SLC5A4: variants seen among roughly 807,000 people sequenced by gnomAD.
SLC5A4 encodes the protein probable glucose sensor protein SLC5A4.
SLC5A4 carries 55 observed loss-of-function variants against 70.3 expected under a neutral mutation model. That is an observed-to-expected ratio of 0.78 (90% CI 0.63 to 0.98). The LOEUF (loss-of-function observed/expected upper bound fraction) is 0.98, where lower values mean the gene tolerates loss of function less well. Ranked by LOEUF, SLC5A4 falls within the 50% of genes least tolerant of loss-of-function variation. SLC5A4 has a pLI of 0.00. For missense variants in SLC5A4, 735 were observed against 839.2 expected (o/e 0.88, Z 1.53); for synonymous variants, 268 against 305.7 (o/e 0.88, Z 1.29).
chr22:32,221,878 G>A (rs899502124), intron 13 of SLC5A4, among the ~76,000 whole-genome samples: 2 of 152,148 alleles, frequency 1.3e-5, no homozygotes, highest in Admixed American at 6.5e-5. Context: ...AGCCTCACGA[G>A]TAGCTGGGGT....
chr22:32,249,927 C>T (rs1023197706), intron 3 of SLC5A4, among the ~76,000 whole-genome samples: 1 of 152,048 alleles, frequency 6.6e-6, no homozygotes, highest in Admixed American at 6.6e-5. Flanking sequence ...TTTAGGTCAT[C>T]AGCTATTCTT....
chr22:32,316,108 G>GAAAA, the SLC5A4 span, among the ~76,000 whole-genome samples: 10 of 132,028 alleles, frequency 7.6e-5, no homozygotes, highest in African/African-American at 1.7e-4. Flanking sequence ...GACTCTGTCT[G>GAAAA]AAAAAAAAAA....
At chr22:32,338,463 G>C in the SLC5A4 span, among the ~76,000 whole-genome samples, 2 of 152,088 alleles carry the variant, frequency 1.3e-5, no homozygotes, top group Non-Finnish European at 2.9e-5. Context: ...CAGCCTGGCT[G>C]ACACAGTGAA....
chr22:32,270,488 C>A, the SLC5A4 span: 9 of 794,094 alleles, frequency 1.1e-5, no homozygotes, highest in Non-Finnish European at 2.0e-5. Context: ...GAACCCAGCA[C>A]CCCCGAAGCG....
intron 3 of SLC5A4, 71 bp downstream of exon 3, chr22:32,251,699 A>G (rs1370055953): frequency 8.8e-6 from 8 of 906,116 alleles, no homozygotes; most frequent in African/African-American, 3.3e-5. Flanking sequence ...ATTCTGTCAT[A>G]GCAGCATAAA....
chr22:32,305,459 C>T, the SLC5A4 span, among the ~76,000 whole-genome samples: 10 of 148,958 alleles, frequency 6.7e-5, 2 homozygotes, highest in Admixed American at 2.1e-4. Flanking sequence ...GATGACGAGA[C>T]CTCTCTGGAG....
the SLC5A4 span, among the ~76,000 whole-genome samples, chr22:32,311,841 C>T: frequency 6.6e-6 from 1 of 152,170 alleles, no homozygotes; most frequent in African/African-American, 2.4e-5. Flanking sequence ...CAAGGAGATG[C>T]TCCTGGCATT....
chr22:32,291,930 T>C, the SLC5A4 span, among the ~76,000 whole-genome samples: 4 of 145,766 alleles, frequency 2.7e-5, no homozygotes, highest in South Asian at 8.6e-4. Context: ...TGGAGTGCAA[T>C]GGCACAATCT....
chr22:32,301,448 C>A, the SLC5A4 span, among the ~76,000 whole-genome samples: 1 of 152,218 alleles, frequency 6.6e-6, no homozygotes, highest in African/African-American at 2.4e-5. Flanking sequence ...TATTTGCTGT[C>A]TGTATTTAAC....
the SLC5A4 span, among the ~76,000 whole-genome samples, chr22:32,269,107 G>C: frequency 1.3e-5 from 2 of 152,104 alleles, no homozygotes; most frequent in Admixed American, 1.3e-4. The surrounding 1 kb of genome is among the most constrained non-coding windows in gnomAD (Gnocchi z 4.1). Context: ...TGGCCATGGC[G>C]GTCTCGAACT....
At chr22:32,309,485 G>A in the SLC5A4 span, among the ~76,000 whole-genome samples, 2 of 152,246 alleles carry the variant, frequency 1.3e-5, no homozygotes, top group South Asian at 2.1e-4. Context: ...GGTAACTCTA[G>A]AAATCTATGC....
chr22:32,269,669 A>T, the SLC5A4 span: 1 of 595,164 alleles, frequency 1.7e-6, no homozygotes, highest in Non-Finnish European at 3.3e-6. The surrounding 1 kb of genome is among the most constrained non-coding windows in gnomAD (Gnocchi z 4.1). Flanking sequence ...GCTCGCTGTT[A>T]TACCTGAACC....
chr22:32,270,789 C>G, the SLC5A4 span: 2 of 603,520 alleles, frequency 3.3e-6, no homozygotes, highest in Non-Finnish European at 6.1e-6. Context: ...TGAGTGCCGA[C>G]GGCCGCGTCA....
the SLC5A4 span, among the ~76,000 whole-genome samples, chr22:32,320,727 T>C: frequency 9.1e-6 from 1 of 110,124 alleles, no homozygotes; most frequent in African/African-American, 3.4e-5. Flanking sequence ...AACCTAAAAC[T>C]GCTTTAAAAA....
chr22:32,233,186 T>A, intron 8 of SLC5A4, 152 bp from the exon 9 acceptor site: 1 of 756,254 alleles, frequency 1.3e-6, no homozygotes, highest in Non-Finnish European at 2.1e-6. Flanking sequence ...ATTGCAGCAC[T>A]ATTCACAATA....
the SLC5A4 span, among the ~76,000 whole-genome samples, chr22:32,282,032 G>A: frequency 2.6e-5 from 4 of 151,844 alleles, no homozygotes; most frequent in Non-Finnish European, 5.9e-5. Flanking sequence ...TAGTAGAGAC[G>A]GCGTTTCACC....
the SLC5A4 span, among the ~76,000 whole-genome samples, chr22:32,315,879 A>G: frequency 6.6e-6 from 1 of 151,364 alleles, no homozygotes; most frequent in African/African-American, 2.4e-5. Flanking sequence ...ATAGAAAAGG[A>G]TGGGCAGGGC....
chr22:32,240,997 C>A (rs1346542346), intron 5 of SLC5A4, among the ~76,000 whole-genome samples: 1 of 152,172 alleles, frequency 6.6e-6, no homozygotes, highest in East Asian at 1.9e-4. Context: ...TTAGACAGAG[C>A]AAGTTTATGG....
chr22:32,307,904 AAGAATCCCTGCAGTTTGC>A, the SLC5A4 span, among the ~76,000 whole-genome samples: 203 of 151,482 alleles, frequency 1.3e-3, no homozygotes, highest in African/African-American at 4.6e-3. Flanking sequence ...CAGGATGATT[AAGAATCCCTGCAGTTTGC>A]AGGGATTCTT....
Sources: gnomAD v4.1 joint callset for allele counts (sites outside exome capture counted in the v4.1 genomes callset) on GRCh38, gnomAD v4.1.1 for gene constraint, Gnocchi (gnomAD v3.1) non-coding constraint, MANE v1.5 for transcripts, NCBI Gene and HGNC (gene_info 2026-07-23, HGNC 2026-07-21) for gene names.